EHMT1: variants seen among roughly 807,000 people sequenced by gnomAD.
The protein encoded by EHMT1 is euchromatic histone lysine methyltransferase 1.
Under a neutral mutation model 147.2 loss-of-function variants are expected in EHMT1, and 15 were observed. The ratio of observed to expected loss-of-function variants is 0.10; its 90% CI spans 0.07 to 0.16. The LOEUF is 0.16. Ranked by LOEUF, EHMT1 falls within the 10% of genes least tolerant of loss-of-function variation. The pLI is 1.00. For missense variants in EHMT1, 1,587 were observed against 1,772.4 expected (o/e 0.90, Z 1.88); for synonymous variants, 795 against 709.6 (o/e 1.12, Z -1.91).
At chr9:137,816,122 G>A (rs762155237) in intron 23 of EHMT1, 60 bp downstream of exon 23, 42 of 1,464,228 alleles carry the variant, frequency 2.9e-5, no homozygotes, top group African/African-American at 7.0e-5. Flanking sequence ...GTATTAGCAC[G>A]GAGGTCACCC....
chr9:137,626,276 T>C (rs1030526657), intron 1 of EHMT1, among the ~76,000 whole-genome samples: 2 of 152,048 alleles, frequency 1.3e-5, no homozygotes, highest in African/African-American at 4.8e-5. Context: ...ACAATTAAAA[T>C]TTTAAAATTA....
chr9:137,820,491 C>T (rs1955321102), intron 25 of EHMT1, among the ~76,000 whole-genome samples: 1 of 152,076 alleles, frequency 6.6e-6, no homozygotes, highest in Admixed American at 6.5e-5. Context: ...AACAGAAGTT[C>T]TTTTTTTTAT....
At chr9:137,685,159 C>T (rs1471377729) in intron 1 of EHMT1, 2 of 152,148 alleles carry the variant, frequency 1.3e-5, no homozygotes, top group Non-Finnish European at 2.9e-5. Context: ...AGTACCTTCA[C>T]AGTGTTGCAT....
chr9:137,674,682 C>T (rs1941058318), intron 1 of EHMT1, among the ~76,000 whole-genome samples: 1 of 152,186 alleles, frequency 6.6e-6, no homozygotes, highest in South Asian at 2.1e-4. Context: ...GTATTTTGTG[C>T]CCATGCTAGG....
At chr9:137,816,130 C>T (rs997456910) in intron 23 of EHMT1, 68 bp downstream of exon 23, 2 of 1,406,504 alleles carry the variant, frequency 1.4e-6, no homozygotes, top group South Asian at 2.5e-5. Flanking sequence ...ACGGAGGTCA[C>T]CCCGACAGAC....
chr9:137,811,767 C>A, intron 19 of EHMT1, 152 bp downstream of exon 19: 2 of 1,058,010 alleles, frequency 1.9e-6, no homozygotes, highest in South Asian at 1.3e-5. Flanking sequence ...GTGTTCCACA[C>A]GCAGAGAAGT....
At position 137,777,942 on chromosome 9, in the gene EHMT1, C is replaced by G. The variant is rs548142464; in HGVS notation, c.2079C>G (p.Pro693=). 2 of 1,613,844 alleles carry G rather than the reference C, an allele frequency of 1.2e-6. No homozygotes were observed. The highest frequency in any genetic ancestry group is 1.7e-6 in the Non-Finnish European group (2 of 1,180,028). The change falls in exon 13 of 27, where the codon CCC becomes CCG. Residue 693 remains proline (P), a synonymous_variant. Coordinates refer to ENST00000460843, the MANE Select transcript of EHMT1 (RefSeq NM_024757.5). Reference sequence around the variant, plus strand: ...TGCAGGGTGCAGCCTCCCACGTGCCCGAGGGCTTTGATCCAACGGGACCTG... The same window carrying G: ...TGCAGGGTGCAGCCTCCCACGTGCCGGAGGGCTTTGATCCAACGGGACCTG... The part of the protein sequence containing the change: ...DKLQGAASHV[P]EGFDPTGPAG...
intron 4 of EHMT1, among the ~76,000 whole-genome samples, chr9:137,741,939 A>G (rs1191425151): frequency 6.6e-6 from 1 of 152,204 alleles, no homozygotes. Context: ...TCTATTCAAA[A>G]TATCAAGATG....
rs1204135275 is a variant in EHMT1, at chr9:137,732,170, G to A, written c.823+3641G>A. 6.6e-6 allele frequency among the ~76,000 whole-genome samples: 1 copy of A among 152,208 alleles called. No individual in the cohort carries two copies. The highest frequency in any genetic ancestry group is 1.5e-5 in the Non-Finnish European group (1 of 68,026). On this transcript the variant is annotated intron_variant, in intron 4 of 26. Transcript: ENST00000460843. This position sits in a 1 kb window ranked among gnomAD's most constrained non-coding sequence, Gnocchi z 4.6. ...CTTGCCATCACACGGGGCAGCCGCC[G>A]ACACCAGCGGAGGGCAGGAGGGCTA...
At chr9:137,772,508 G>A (rs999511037) in intron 10 of EHMT1, among the ~76,000 whole-genome samples, 2 of 152,140 alleles carry the variant, frequency 1.3e-5, no homozygotes, top group Admixed American at 6.5e-5. Flanking sequence ...CTGAGGCTCC[G>A]CCTCGCCAGC....
chr9:137,804,794 G>A (rs1206448755), intron 18 of EHMT1, among the ~76,000 whole-genome samples: 1 of 151,386 alleles, frequency 6.6e-6, no homozygotes, highest in Non-Finnish European at 1.5e-5. Context: ...TTTGGCTTAT[G>A]GATGCCTAGT....
Position 137,728,376 on chromosome 9 carries a change from G to A in EHMT1, c.670G>A (p.Val224Ile), listed in dbSNP as rs1288948653. The A allele has an allele frequency of 1.2e-6, 2 of 1,614,110 alleles. No individual in the cohort carries two copies. Among genetic ancestry groups the A allele is most frequent in the Non-Finnish European group, 1.7e-6 (2 of 1,180,052 alleles). ...TGCAGCCAGTAAAGATCCCAGAGAA[G>A]TTCGAGAAGCTAGAGATCATAAGGA... The part of the protein sequence containing the change: ...LHAASKDPRE[V>I]REARDHKEPK... The change falls in exon 4 of 27, where the codon GTT becomes ATT. Residue 224 changes from valine (V) to isoleucine (I), a missense_variant. Around this residue, in one of 7 missense-constraint regions of EHMT1, gnomAD observed 810 missense variants for 673.0 expected, o/e 1.20. Coordinates refer to ENST00000460843, the MANE Select transcript of EHMT1 (RefSeq NM_024757.5).
chr9:137,642,221 G>A (rs973982856), intron 1 of EHMT1, among the ~76,000 whole-genome samples: 3 of 152,160 alleles, frequency 2.0e-5, no homozygotes, highest in Non-Finnish European at 4.4e-5. Context: ...ATTACTGAAA[G>A]GTAGGGTTTA....
intron 9 of EHMT1, among the ~76,000 whole-genome samples, chr9:137,759,605 A>C (rs1949649115): frequency 6.6e-6 from 1 of 152,252 alleles, no homozygotes; most frequent in South Asian, 2.1e-4. Flanking sequence ...GAGGCTCCTC[A>C]GCTTGTGTGA....
chr9:137,803,383 GC>G, intron 18 of EHMT1: 1 of 806,766 alleles, frequency 1.2e-6, no homozygotes, highest in Non-Finnish European at 1.5e-6. Flanking sequence ...GCCATGCCCA[GC>G]CCACCCCTGC....
chr9:137,620,598 G>T (rs1842895954), intron 1 of EHMT1, among the ~76,000 whole-genome samples: 1 of 152,042 alleles, frequency 6.6e-6, no homozygotes, highest in African/African-American at 2.4e-5. Flanking sequence ...TCACCATGTT[G>T]CCCAGGCTGG....
chr9:137,663,147 A>G (rs1395073649), intron 1 of EHMT1, among the ~76,000 whole-genome samples: 4 of 152,100 alleles, frequency 2.6e-5, no homozygotes, highest in Non-Finnish European at 5.9e-5. Flanking sequence ...TCATTTTATT[A>G]TCTCTTTCCT....
At chr9:137,801,066 C>A in intron 18 of EHMT1, 82 bp downstream of exon 18, 2 of 1,302,418 alleles carry the variant, frequency 1.5e-6, no homozygotes, top group East Asian at 2.4e-5. Flanking sequence ...TTCTCAAAAG[C>A]AGAACCCTGG....
chr9:137,796,235 G>A (rs1023197067), intron 16 of EHMT1, among the ~76,000 whole-genome samples: 1 of 152,206 alleles, frequency 6.6e-6, no homozygotes, highest in Non-Finnish European at 1.5e-5. Context: ...ATTCCAGCAC[G>A]GGGAAGCGTC....
Sources: allele counts gnomAD v4.1 joint callset (sites outside exome capture counted in the v4.1 genomes callset), GRCh38; gene constraint gnomAD v4.1.1; regional missense constraint gnomAD v4.1.1; non-coding constraint Gnocchi (gnomAD v3.1); transcripts MANE v1.5; gene names NCBI Gene and HGNC (gene_info 2026-07-23, HGNC 2026-07-21).